The following NAALADL2 variants were observed in gnomAD, a reference collection of about 807,000 sequenced individuals.
NAALADL2 encodes inactive N-acetylated-alpha-linked acidic dipeptidase-like protein 2.
Under a neutral mutation model 87.2 loss-of-function variants are expected in NAALADL2, and 76 were observed. That is an observed-to-expected ratio of 0.87 (90% CI 0.72 to 1.05). The LOEUF is 1.05. Ranked by LOEUF, NAALADL2 falls within the 50% of genes least tolerant of loss-of-function variation. The pLI is 0.00. For missense variants in NAALADL2, 1,089 were observed against 945.8 expected, an observed-to-expected ratio of 1.15 and a Z score of -1.99; for synonymous variants, 354 against 331.0, an observed-to-expected ratio of 1.07 and a Z score of -0.75.
chr3:174,976,582 C>T (rs1744389825), intron 1 of NAALADL2, among the ~76,000 whole-genome samples: 1 of 152,166 alleles, frequency 6.6e-6, no homozygotes, highest in South Asian at 2.1e-4. Context: ...CTAATACAAT[C>T]AAGCCTTGAA....
intron 5 of NAALADL2, among the ~76,000 whole-genome samples, chr3:175,331,909 T>C (rs2110502166): frequency 6.6e-6 from 1 of 152,212 alleles, no homozygotes; most frequent in Non-Finnish European, 1.5e-5. Context: ...AAAATCAACA[T>C]ACAAAATCAG....
In NAALADL2 at chr3:175,212,619, CTTTCCTCACTTCATCT is replaced by C. The variant is rs574103201; in HGVS notation, c.546-21304_546-21289del. Among the ~76,000 whole-genome samples the C allele has an allele frequency of 3.0e-3, 449 of 151,700 alleles. 1 individual carries two copies. The highest frequency in any genetic ancestry group is 1.0e-2 in the African/African-American group (412 of 41,366). ...TCCATTTTTTCTTCCTTTCTTCCTC[CTTTCCTCACTTCATCT>C]TTTCCTCTCTTTCCTCCCTTTGTCT... On this transcript the variant is annotated intron_variant, in intron 2 of 13. Coordinates refer to ENST00000454872, the MANE Select transcript of NAALADL2 (RefSeq NM_207015.3).
At chr3:175,741,735 G>A (rs1745264629) in intron 12 of NAALADL2, among the ~76,000 whole-genome samples, 1 of 152,122 alleles carries the variant, frequency 6.6e-6, no homozygotes, top group Non-Finnish European at 1.5e-5. Flanking sequence ...AGATGCAAAT[G>A]TAGGGGAGAA....
intron 2 of NAALADL2, among the ~76,000 whole-genome samples, chr3:175,219,461 A>G (rs1743013969): frequency 6.6e-6 from 1 of 152,164 alleles, no homozygotes; most frequent in East Asian, 1.9e-4. Context: ...TAATACAAAT[A>G]TCTTGAACTC....
At chr3:175,190,981 CAAAAAA>C (rs544760324) in intron 2 of NAALADL2, among the ~76,000 whole-genome samples, 4 of 102,066 alleles carry the variant, frequency 3.9e-5, no homozygotes, top group East Asian at 5.7e-4. Flanking sequence ...GACTCCGTCT[CAAAAAA>C]AAAAAAAAAA....
chr3:175,496,533 T>C (rs1299622493), intron 9 of NAALADL2, among the ~76,000 whole-genome samples: 1 of 152,116 alleles, frequency 6.6e-6, no homozygotes, highest in Non-Finnish European at 1.5e-5. Flanking sequence ...GTATTTATAT[T>C]GAAGCTAACA....
chr3:174,600,215 CCG>C (rs1718303700), intron 2 of NAALADL2, among the ~76,000 whole-genome samples: 1 of 151,946 alleles, frequency 6.6e-6, no homozygotes. Context: ...GCAGATAAAA[CCG>C]ATAATATAGA....
chr3:174,672,950 G>C (rs568554139), intron 2 of NAALADL2, among the ~76,000 whole-genome samples: 1 of 151,868 alleles, frequency 6.6e-6, no homozygotes, highest in African/African-American at 2.4e-5. Flanking sequence ...GGAAACTGTC[G>C]TGGGGTTGTA....
intron 2 of NAALADL2, among the ~76,000 whole-genome samples, chr3:174,559,159 G>C (rs564613506): frequency 6.6e-6 from 1 of 152,176 alleles, no homozygotes; most frequent in South Asian, 2.1e-4. Flanking sequence ...ACGGTGAGCA[G>C]GTCTATGCAA....
intron 1 of NAALADL2, among the ~76,000 whole-genome samples, chr3:174,519,586 C>T (rs572828744): frequency 6.6e-6 from 1 of 152,100 alleles, no homozygotes; most frequent in African/African-American, 2.4e-5. Flanking sequence ...CCATTTCGGC[C>T]TCTCAAAGTG....
chr3:175,517,836 T>C (rs935486277), intron 9 of NAALADL2, among the ~76,000 whole-genome samples: 1 of 152,162 alleles, frequency 6.6e-6, no homozygotes, highest in African/African-American at 2.4e-5. Context: ...CACCGGATTT[T>C]ATAGACAGGC....
At chr3:174,585,513 A>G (rs889959307) in intron 2 of NAALADL2, among the ~76,000 whole-genome samples, 1 of 152,174 alleles carries the variant, frequency 6.6e-6, no homozygotes, top group African/African-American at 2.4e-5. Flanking sequence ...CTCATTGCCT[A>G]AATTCATTTT....
chr3:174,751,884 G>A lies in NAALADL2; in HGVS notation c.-9+14138G>A, dbSNP rs139872348. Among the ~76,000 whole-genome samples, 4 of 152,192 alleles carry A rather than the reference G, an allele frequency of 2.6e-5. No homozygotes were observed. In the East Asian group the frequency reaches 5.8e-4, roughly 22 times the overall value. Reference sequence around the variant, plus strand: ...TGTGTGTGTGTGTGTGTGCGCGTGCGCAATTTTATTGTACGAGGAGGGTTT... The same window carrying A: ...TGTGTGTGTGTGTGTGTGCGCGTGCACAATTTTATTGTACGAGGAGGGTTT... On this transcript the variant is annotated intron_variant, in intron 3 of 3. Coordinates refer to the NAALADL2 transcript ENST00000434257.
intron 3 of NAALADL2, among the ~76,000 whole-genome samples, chr3:175,236,515 T>G (rs1165681221): frequency 1.4e-5 from 2 of 138,034 alleles, no homozygotes; most frequent in African/African-American, 5.6e-5. Context: ...CCCATTGCAC[T>G]GCAACCTGGG....
chr3:174,671,789 G>C (rs1471671821), intron 2 of NAALADL2, among the ~76,000 whole-genome samples: 1 of 152,038 alleles, frequency 6.6e-6, no homozygotes, highest in African/African-American at 2.4e-5. Context: ...TTTTGGTGCT[G>C]CAAACTTGAA....
chr3:175,311,305 A>T (rs1383048041), intron 4 of NAALADL2, among the ~76,000 whole-genome samples: 2 of 151,496 alleles, frequency 1.3e-5, no homozygotes, highest in African/African-American at 4.9e-5. Context: ...ATATGAATTT[A>T]AAAAAGAAAT....
intron 4 of NAALADL2, among the ~76,000 whole-genome samples, chr3:175,286,169 A>G (rs935220061): frequency 5.3e-5 from 8 of 152,230 alleles, no homozygotes; most frequent in Non-Finnish European, 7.3e-5. Flanking sequence ...ACAGGTTGCC[A>G]TATTAAGTGG....
At chr3:175,085,857 G>T (rs544458212) in intron 1 of NAALADL2, among the ~76,000 whole-genome samples, 2 of 152,336 alleles carry the variant, frequency 1.3e-5, no homozygotes, top group African/African-American at 4.8e-5. Flanking sequence ...GGCAGAGGTT[G>T]CAATAAGCAG....
intron 1 of NAALADL2, among the ~76,000 whole-genome samples, chr3:174,524,880 T>G (rs778067326): frequency 3.3e-5 from 5 of 152,190 alleles, no homozygotes; most frequent in Non-Finnish European, 5.9e-5. Flanking sequence ...TATTGCCTAG[T>G]AAAGTTATAG....
Sources: allele counts gnomAD v4.1 joint callset (sites outside exome capture counted in the v4.1 genomes callset), GRCh38; gene constraint gnomAD v4.1.1; transcripts MANE v1.5; gene names NCBI Gene and HGNC (gene_info 2026-07-23, HGNC 2026-07-21).